Variants in CYLD observed in about 807,000 individuals in gnomAD.
CYLD encodes ubiquitin carboxyl-terminal hydrolase CYLD.
Under a neutral mutation model 104.5 loss-of-function variants are expected in CYLD, and 26 were observed. That is an observed-to-expected ratio of 0.25 (90% CI 0.18 to 0.35). CYLD has a LOEUF of 0.35. Ranked by LOEUF, CYLD falls within the 10% of genes least tolerant of loss-of-function variation. The pLI, the probability that CYLD is intolerant of heterozygous loss-of-function variation, is 1.00. For missense variants in CYLD, 703 were observed against 1,136.1 expected, an observed-to-expected ratio of 0.62 and a Z score of 5.48; for synonymous variants, 385 against 399.9, an observed-to-expected ratio of 0.96 and a Z score of 0.45.
At chr16:50,764,555 GGT>G (rs1312411291) in intron 5 of CYLD, among the ~76,000 whole-genome samples, 3 of 151,990 alleles carry the variant, frequency 2.0e-5, no homozygotes, top group African/African-American at 7.3e-5. Context: ...TCTTACCAGT[GGT>G]TTCTGACTTT....
intron 18 of CYLD, chr16:50,795,643 C>T (rs1435405111): frequency 1.4e-6 from 1 of 702,568 alleles, no homozygotes; most frequent in Admixed American, 2.0e-5. Flanking sequence ...AGGCCCAGGC[C>T]CTAGATCAAG....
At position 50,755,196 on chromosome 16, in the gene CYLD, CAT is replaced by C. The variant is rs554103246; in HGVS notation, c.913+775_913+776del. ...ATGTGTGTGTATATACACACGTGTA[CAT>C]ATGTGTGTGTATATACACACGTGTA... is the stretch of plus-strand genomic sequence containing the variant. On this transcript the variant is annotated intron_variant, in intron 5 of 18. Coordinates refer to ENST00000427738, the MANE Select transcript of CYLD (RefSeq NM_001378743.1). Among the ~76,000 whole-genome samples the C allele has an allele frequency of 7.7e-4, 82 of 106,446 alleles. 2 individuals carry two copies. Among genetic ancestry groups the C allele is most frequent in the African/African-American group, 2.5e-3 (64 of 26,024 alleles). The allele number at this position is 106,446 out of a possible 152,430, so 69.8% of individuals were successfully genotyped here.
chr16:50,749,872 A>G lies in CYLD; in HGVS notation c.174A>G (p.Ser58=), dbSNP rs1477704057. The part of the protein sequence containing the change: ...QYIQDRSVGH[S]RIPSAKGKKN... Reference sequence around the variant, plus strand: ...TTCAAGATCGTTCTGTGGGGCATTCAAGGATTCCTTCTGCAAAAGGCAAGA... The same window carrying G: ...TTCAAGATCGTTCTGTGGGGCATTCGAGGATTCCTTCTGCAAAAGGCAAGA... Residue 58 remains serine, a synonymous_variant, in exon 3 of 19, where the codon TCA becomes TCG. Coordinates refer to ENST00000427738, the MANE Select transcript of CYLD (RefSeq NM_001378743.1). 1 of 1,614,164 alleles carries G rather than the reference A, an allele frequency of 6.2e-7. No homozygotes were observed. Among genetic ancestry groups the G allele is most frequent in the South Asian group, 1.1e-5 (1 of 91,082 alleles).
At position 50,770,717 on chromosome 16, in the gene CYLD, C is replaced by T. The variant is rs574901249; in HGVS notation, c.914-4449C>T. On this transcript the variant is annotated intron_variant, in intron 5 of 18. Coordinates refer to ENST00000427738, the MANE Select transcript of CYLD (RefSeq NM_001378743.1). ...CCACCTGCCTCGGCTTCCCAAAGTG[C>T]TGGGATTACAGGCATGAGCCCCTGC... 1.6e-4 allele frequency among the ~76,000 whole-genome samples: 25 copies of T among 152,274 alleles called. 1 individual carries two copies. The highest frequency in any genetic ancestry group is 6.0e-4 in the African/African-American group (25 of 41,562).
chr16:50,794,792 T>C lies in CYLD; in HGVS notation c.2686+364T>C. ...TATGCCACCATGCCTGGCTAATTTTTGTATTTTTAGTAGAGATGGGCTTCT... is the reference window on the plus strand; with the variant it reads ...TATGCCACCATGCCTGGCTAATTTTCGTATTTTTAGTAGAGATGGGCTTCT... On this transcript the variant is annotated intron_variant, in intron 18 of 18. Coordinates refer to ENST00000427738, the MANE Select transcript of CYLD (RefSeq NM_001378743.1). The surrounding 1 kb of genome is among the most constrained non-coding windows in gnomAD (Gnocchi z 4.1). The C allele has an allele frequency of 3.0e-6, 1 of 330,886 alleles. No individual in the cohort carries two copies. The highest frequency in any genetic ancestry group is 2.5e-5 in the South Asian group (1 of 39,322). The allele number at this position is 330,886 out of a possible 1,614,324, so 20.5% of individuals were successfully genotyped here.
In CYLD at chr16:50,782,524, C is replaced by T. The variant is rs386468390; in HGVS notation, c.1826+58C>T. 6,189 of 1,508,586 alleles carry T rather than the reference C, an allele frequency of 4.1e-3. 25 individuals carry two copies. The highest frequency in any genetic ancestry group is 5.0e-3 in the Non-Finnish European group (5,387 of 1,086,834). The allele number at this position is 1,508,586 out of a possible 1,614,324, so 93.5% of individuals were successfully genotyped here. On this transcript the variant is annotated intron_variant, in intron 11 of 18. Transcript: ENST00000427738. Reference sequence around the variant, plus strand: ...AGTGCCATGAGGCAGGGACACATACCGGTGTGTGTGTGTGTGTGCGTGTGA... The same window carrying T: ...AGTGCCATGAGGCAGGGACACATACTGGTGTGTGTGTGTGTGTGCGTGTGA...
chr16:50,788,605 G>A (rs535772892), intron 14 of CYLD, among the ~76,000 whole-genome samples: 2 of 152,146 alleles, frequency 1.3e-5, no homozygotes, highest in Admixed American at 1.3e-4. Context: ...ATATTGTTTG[G>A]GAAGTTCTTA....
At position 50,776,477 on chromosome 16, in the gene CYLD, G is replaced by C. The variant is rs1969694285; in HGVS notation, c.1021+200G>C. Among the ~76,000 whole-genome samples the C allele has an allele frequency of 2.0e-5, 3 of 152,148 alleles. No individual in the cohort carries two copies. The South Asian group carries it at 6.2e-4, about 31-fold the overall frequency. On this transcript the variant is annotated intron_variant, in intron 7 of 18. Transcript: ENST00000427738. ...TTCCCAGCCTTTTTTACCTCAGGAA[G>C]AGTTCCCCATAGGGTCTTGTGTGTT...
At chr16:50,755,068 TATGTATAC>T (rs1316235266) in intron 5 of CYLD, among the ~76,000 whole-genome samples, 2 of 125,150 alleles carry the variant, frequency 1.6e-5, no homozygotes, top group Non-Finnish European at 3.3e-5. Flanking sequence ...TACATATAGA[TATGTATAC>T]ATATACACAC....
In CYLD at chr16:50,794,108, A is replaced by G; in HGVS notation, c.2470-104A>G. ...ACGCCCAGCTAATTTTTGTATTTTT[A>G]ACAGAGACAGGGTTTCACCATCTTG... On this transcript the variant is annotated intron_variant, in intron 17 of 18. Transcript: ENST00000427738. This position sits in a 1 kb window ranked among gnomAD's most constrained non-coding sequence, Gnocchi z 4.1. The G allele has an allele frequency of 9.1e-7, 1 of 1,093,712 alleles. No homozygotes were observed. The highest frequency in any genetic ancestry group is 1.4e-6 in the Non-Finnish European group (1 of 721,614). The allele number at this position is 1,093,712 out of a possible 1,614,324, so 67.8% of individuals were successfully genotyped here. A position where few individuals can be genotyped will look rare whatever the true frequency, so the allele number is the denominator to read the frequency against.
At chr16:50,755,293 G>C (rs1967088291) in intron 5 of CYLD, among the ~76,000 whole-genome samples, 1 of 151,602 alleles carries the variant, frequency 6.6e-6, no homozygotes, top group Admixed American at 6.6e-5. Flanking sequence ...ATGGGCATTT[G>C]GGCTGGTTCC....
intron 3 of CYLD, among the ~76,000 whole-genome samples, chr16:50,751,344 C>T (rs764804613): frequency 2.4e-4 from 37 of 152,156 alleles, no homozygotes; most frequent in Non-Finnish European, 5.0e-4. Flanking sequence ...GTTAGAATCA[C>T]AACGTGGAAT....
intron 10 of CYLD, 141 bp downstream of exon 10, chr16:50,781,552 T>C (rs1441218399): frequency 9.1e-7 from 1 of 1,094,918 alleles, no homozygotes; most frequent in Admixed American, 2.1e-5. Context: ...GTAAAAATGT[T>C]GCATGGTGTA....
At chr16:50,774,637 GAC>G (rs1969479700) in intron 5 of CYLD, among the ~76,000 whole-genome samples, 2 of 152,238 alleles carry the variant, frequency 1.3e-5, no homozygotes, top group Non-Finnish European at 2.9e-5. Flanking sequence ...GCAGGGAGTA[GAC>G]ACAGTGTGGA....
intron 1 of CYLD, 46 bp from the exon 2 acceptor site, chr16:50,742,716 T>G (rs1965812914): frequency 5.0e-6 from 2 of 398,598 alleles, no homozygotes; most frequent in Non-Finnish European, 8.8e-6. Flanking sequence ...GGAATGGCAG[T>G]CGGGGTTCTG....
chr16:50,754,173 T>G (rs1966839217), intron 4 of CYLD, 146 bp from the exon 5 acceptor site: 1 of 664,892 alleles, frequency 1.5e-6, no homozygotes, highest in Non-Finnish European at 2.7e-6. Context: ...ATGGCAACTA[T>G]TCCTAATGTA....
intron 2 of CYLD, among the ~76,000 whole-genome samples, chr16:50,743,568 C>T (rs1000259826): frequency 2.0e-5 from 3 of 152,142 alleles, no homozygotes; most frequent in Admixed American, 1.3e-4. Flanking sequence ...GTCTGGCACA[C>T]CTAAACTGTG....
Position 50,796,900 on chromosome 16 carries a change from T to C in CYLD, c.*392T>C, listed in dbSNP as rs1972099221. On this transcript the variant is annotated 3_prime_UTR_variant, in exon 19 of 19. Transcript: ENST00000427738. Reference sequence around the variant, plus strand: ...TTTATGGACCAAGGATATGAAATCATTTTTCTTTTGTAGCTAACGGTTGCC... The same window carrying C: ...TTTATGGACCAAGGATATGAAATCACTTTTCTTTTGTAGCTAACGGTTGCC... 3 of 318,192 alleles carry C rather than the reference T, an allele frequency of 9.4e-6. No individual in the cohort carries two copies. The South Asian group carries it at 1.5e-4, about 16-fold the overall frequency. The allele number at this position is 318,192 out of a possible 1,614,324, so 19.7% of individuals were successfully genotyped here. A position where few individuals can be genotyped will look rare whatever the true frequency, so the allele number is the denominator to read the frequency against.
rs1174240314 is a variant in CYLD at position 50,783,751 on chromosome 16, C to A, written c.1827-578C>A. 6.4e-5 allele frequency: 10 copies of A among 156,160 alleles called. 1 individual carries two copies. In the South Asian group the frequency reaches 1.9e-3, roughly 30 times the overall value. The allele number at this position is 156,160 out of a possible 1,614,324, so 9.7% of individuals were successfully genotyped here. A position where few individuals can be genotyped will look rare whatever the true frequency, so the allele number is the denominator to read the frequency against. On this transcript the variant is annotated intron_variant, in intron 11 of 18. Coordinates refer to ENST00000427738, the MANE Select transcript of CYLD (RefSeq NM_001378743.1). ...ACGGGGTTTCACCATATTGGTCAGG[C>A]TGGTCTCAAACTCCTGACCTCAGGT...
Sources: allele counts gnomAD v4.1 joint callset (sites outside exome capture counted in the v4.1 genomes callset), GRCh38; gene constraint gnomAD v4.1.1; non-coding constraint Gnocchi (gnomAD v3.1); transcripts MANE v1.5; gene names NCBI Gene and HGNC (gene_info 2026-07-23, HGNC 2026-07-21).